Variants in PTK2 observed in about 807,000 individuals in gnomAD.
The protein encoded by PTK2 is protein tyrosine kinase 2.
A neutral mutation model predicts 150.1 loss-of-function variants in PTK2; 45 were observed. That is an observed-to-expected ratio of 0.30 (90% CI 0.24 to 0.38). The LOEUF (loss-of-function observed/expected upper bound fraction) is 0.38, where lower values mean the gene tolerates loss of function less well. PTK2 is among the 10% of genes least tolerant of loss of function. The probability of loss-of-function intolerance (pLI) is 1.00; values close to 1 mark genes in which losing one functional copy is unlikely to be tolerated. For missense variants in PTK2, 919 were observed against 1,307.3 expected, an observed-to-expected ratio of 0.70 and a Z score of 4.58; for synonymous variants, 432 against 449.2, an observed-to-expected ratio of 0.96 and a Z score of 0.48.
chr8:140,875,958 T>C (rs1017152205), intron 4 of PTK2, among the ~76,000 whole-genome samples: 1 of 152,240 alleles, frequency 6.6e-6, no homozygotes, highest in Non-Finnish European at 1.5e-5. Flanking sequence ...TATTAAATTC[T>C]TGGTGATAAT....
chr8:140,798,259 T>A (rs1362701371), intron 12 of PTK2, among the ~76,000 whole-genome samples: 2 of 152,188 alleles, frequency 1.3e-5, no homozygotes, highest in Admixed American at 6.5e-5. Flanking sequence ...TTCACATGTA[T>A]TTTTGACTAT....
At chr8:140,682,689 T>TA (rs2100017744) in intron 27 of PTK2, among the ~76,000 whole-genome samples, 1 of 137,160 alleles carries the variant, frequency 7.3e-6, no homozygotes, top group Non-Finnish European at 1.6e-5. Flanking sequence ...CACAGCACAA[T>TA]AAAAACAGAA....
intron 10 of PTK2, among the ~76,000 whole-genome samples, chr8:140,814,917 G>A (rs1238337688): frequency 6.6e-6 from 1 of 152,016 alleles, no homozygotes; most frequent in African/African-American, 2.4e-5. Flanking sequence ...TGGGACTACA[G>A]GCGCATGCCA....
At chr8:140,746,369 A>C (rs2100058776) in intron 18 of PTK2, 2 of 156,772 alleles carry the variant, frequency 1.3e-5, no homozygotes. Flanking sequence ...TCCCAAAAAG[A>C]TAAAGGAAAT....
At chr8:140,847,071 CATA>C (rs2100126042) in intron 5 of PTK2, among the ~76,000 whole-genome samples, 1 of 152,122 alleles carries the variant, frequency 6.6e-6, no homozygotes, top group African/African-American at 2.4e-5. Context: ...GGGTCTGAAT[CATA>C]ATAACCTTCA....
intron 1 of PTK2, among the ~76,000 whole-genome samples, chr8:140,951,829 G>A (rs2100179641): frequency 6.6e-6 from 1 of 151,560 alleles, no homozygotes; most frequent in South Asian, 2.1e-4. Flanking sequence ...AAGCTACAGT[G>A]AGCTATGATC....
chr8:140,833,790 T>C (rs1779075207), intron 7 of PTK2, among the ~76,000 whole-genome samples: 1 of 152,206 alleles, frequency 6.6e-6, no homozygotes, highest in Non-Finnish European at 1.5e-5. Context: ...GCATTTAAAC[T>C]CATGTAATAA....
chr8:140,773,721 G>C (rs2100076871), intron 14 of PTK2, among the ~76,000 whole-genome samples: 2 of 152,124 alleles, frequency 1.3e-5, no homozygotes, highest in African/African-American at 4.8e-5. Flanking sequence ...CTCCTGGTAA[G>C]GGCACTGGCT....
chr8:140,931,194 T>G (rs2100171628), intron 1 of PTK2, among the ~76,000 whole-genome samples: 1 of 152,136 alleles, frequency 6.6e-6, no homozygotes, highest in African/African-American at 2.4e-5. Context: ...TTCCATCACA[T>G]TCTCTCTAGA....
chr8:140,836,714 A>T (rs1027063399), intron 7 of PTK2, among the ~76,000 whole-genome samples: 1 of 152,332 alleles, frequency 6.6e-6, no homozygotes, highest in East Asian at 1.9e-4. Context: ...TACCTATGGA[A>T]TATCTTACAG....
At chr8:140,693,422 T>G (rs903444174) in intron 26 of PTK2, among the ~76,000 whole-genome samples, 2 of 151,514 alleles carry the variant, frequency 1.3e-5, no homozygotes, top group African/African-American at 4.9e-5. Context: ...CCAGGCTTGG[T>G]AGCATATGCC....
intron 22 of PTK2, 76 bp from the exon 26 acceptor site, chr8:140,717,785 C>G: frequency 1.8e-6 from 2 of 1,111,078 alleles, no homozygotes; most frequent in South Asian, 2.5e-5. Context: ...CCTGAGTTAT[C>G]TAAGGAACAC....
chr8:140,660,865 G>A (rs1242284605), intron 31 of PTK2, among the ~76,000 whole-genome samples: 1 of 152,216 alleles, frequency 6.6e-6, no homozygotes, highest in Non-Finnish European at 1.5e-5. Context: ...TCAACCAGTG[G>A]TGACTTATCC....
chr8:140,672,765 A>G (rs1487524959), intron 29 of PTK2, among the ~76,000 whole-genome samples: 1 of 152,242 alleles, frequency 6.6e-6, no homozygotes, highest in Non-Finnish European at 1.5e-5. Flanking sequence ...GAAGACAACA[A>G]TGTATCTACA....
At chr8:140,949,414 G>C (rs1045029066) in intron 1 of PTK2, among the ~76,000 whole-genome samples, 3 of 152,182 alleles carry the variant, frequency 2.0e-5, no homozygotes, top group Non-Finnish European at 4.4e-5. Flanking sequence ...CACATTCCCA[G>C]GTACAGCTGC....
chr8:140,770,653 A>C, intron 14 of PTK2, 63 bp downstream of exon 15: 1 of 786,828 alleles, frequency 1.3e-6, no homozygotes, highest in Non-Finnish European at 1.8e-6. Context: ...GCATCAGGTT[A>C]GAGTTAGTTT....
At chr8:140,742,043 G>C (rs951709136) in intron 20 of PTK2, among the ~76,000 whole-genome samples, 1 of 152,306 alleles carries the variant, frequency 6.6e-6, no homozygotes, top group Non-Finnish European at 1.5e-5. Context: ...GGCTAAGGTG[G>C]GTGGAATGCT....
intron 3 of PTK2, among the ~76,000 whole-genome samples, chr8:140,888,183 A>C (rs1004080517): frequency 1.3e-5 from 2 of 152,134 alleles, no homozygotes; most frequent in African/African-American, 4.8e-5. Flanking sequence ...CTCTTTCCTG[A>C]CAATACTCTG....
intron 2 of PTK2, among the ~76,000 whole-genome samples, chr8:140,910,964 A>T (rs2100162904): frequency 6.6e-6 from 1 of 151,896 alleles, no homozygotes. Flanking sequence ...CGCAGCCTCA[A>T]CCTCCTTGAC....
Sources: gnomAD v4.1 joint callset for allele counts (sites outside exome capture counted in the v4.1 genomes callset) on GRCh38, gnomAD v4.1.1 for gene constraint, MANE v1.5 for transcripts, NCBI Gene and HGNC (gene_info 2026-07-23, HGNC 2026-07-21) for gene names.